ABI3BP: variants seen among roughly 807,000 people sequenced by gnomAD.
ABI3BP encodes the protein ABI family member 3 binding protein, also known as target of Nesh-SH3.
Under a neutral mutation model 268.6 loss-of-function variants are expected in ABI3BP, and 216 were observed. That is an observed-to-expected ratio of 0.80 (90% CI 0.72 to 0.90). ABI3BP has a LOEUF of 0.90. Ranked by LOEUF, ABI3BP falls within the 40% of genes least tolerant of loss-of-function variation. The probability of loss-of-function intolerance (pLI) is 0.00; values close to 1 mark genes in which losing one functional copy is unlikely to be tolerated. For missense variants in ABI3BP, 2,090 were observed against 2,182.4 expected, an observed-to-expected ratio of 0.96 and a Z score of 0.84; for synonymous variants, 730 against 730.0, an observed-to-expected ratio of 1.00 and a Z score of 0.00.
chr3:100,798,187 T>G (rs1376941456), intron 51 of ABI3BP, among the ~76,000 whole-genome samples: 1 of 152,170 alleles, frequency 6.6e-6, no homozygotes, highest in Non-Finnish European at 1.5e-5. Flanking sequence ...TGCTCTAGTT[T>G]ACTGAGGAAT....
chr3:100,785,282 G>T (rs533721650), intron 57 of ABI3BP, among the ~76,000 whole-genome samples: 1 of 152,136 alleles, frequency 6.6e-6, no homozygotes, highest in Non-Finnish European at 1.5e-5. Flanking sequence ...AGTCAACAGA[G>T]GCTGAAAGTG....
chr3:100,944,528 T>C (rs1212417816), intron 1 of ABI3BP, among the ~76,000 whole-genome samples: 1 of 152,120 alleles, frequency 6.6e-6, no homozygotes, highest in Non-Finnish European at 1.5e-5. Flanking sequence ...AGGGAGCAAA[T>C]TGAAAATACT....
chr3:100,954,014 T>C (rs2075999925), intron 1 of ABI3BP, among the ~76,000 whole-genome samples: 1 of 152,186 alleles, frequency 6.6e-6, no homozygotes, highest in Non-Finnish European at 1.5e-5. Context: ...GGATGAACTG[T>C]CTTTCTCACT....
chr3:100,825,859 TAAAC>T lies in ABI3BP; in HGVS notation c.2603-19_2603-16del. The T allele has an allele frequency of 6.6e-7, 1 of 1,523,896 alleles. No homozygotes were observed. The highest frequency in any genetic ancestry group is 8.8e-7 in the Non-Finnish European group (1 of 1,135,942). The allele number at this position is 1,523,896 out of a possible 1,614,324, so 94.4% of individuals were successfully genotyped here. ...TGTAACAGGAACTGAAGTAATAAGA[TAAAC>T]AAAAGAGATGGTAAAAAATGTGTGG... On this transcript the variant is annotated splice_polypyrimidine_tract_variant and intron_variant, in intron 34 of 67. Coordinates refer to ENST00000471714, the MANE Select transcript of ABI3BP (RefSeq NM_001375547.2).
intron 54 of ABI3BP, among the ~76,000 whole-genome samples, chr3:100,793,821 G>A (rs1357984430): frequency 2.0e-5 from 3 of 151,982 alleles, no homozygotes; most frequent in African/African-American, 7.2e-5. Context: ...AGACAGGAGA[G>A]AGGAGCCAAC....
intron 51 of ABI3BP, among the ~76,000 whole-genome samples, chr3:100,803,134 G>A (rs1450608243): frequency 6.8e-6 from 1 of 146,126 alleles, no homozygotes; most frequent in African/African-American, 2.4e-5. Flanking sequence ...TGGAGCTGGA[G>A]AGGTGACAGA....
rs2099124584 is a variant in ABI3BP, at chr3:100,873,020, C to T, written c.910+1821G>A. 4.6e-5 allele frequency among the ~76,000 whole-genome samples: 7 copies of T among 152,046 alleles called. No individual in the cohort carries two copies. In the South Asian group the frequency reaches 1.5e-3, roughly 32 times the overall value. Reference sequence around the variant, plus strand: ...TCAAAAATTGTAAGTCTAATAGTCCCCAGTTAAGTGCTTTTCTACCAACTT... The same window carrying T: ...TCAAAAATTGTAAGTCTAATAGTCCTCAGTTAAGTGCTTTTCTACCAACTT... On this transcript the variant is annotated intron_variant, in intron 9 of 67. Transcript: ENST00000471714.
chr3:100,831,602 A>C (rs1395938220), intron 31 of ABI3BP, among the ~76,000 whole-genome samples: 1 of 152,094 alleles, frequency 6.6e-6, no homozygotes, highest in Non-Finnish European at 1.5e-5. Context: ...TTGAGTAGAC[A>C]TCCCAGCCCC....
intron 20 of ABI3BP, chr3:100,844,209 A>AACAATTT (rs1478445644): frequency 3.0e-6 from 3 of 985,362 alleles, no homozygotes; most frequent in Non-Finnish European, 3.6e-6. Flanking sequence ...TAGGAATGAG[A>AACAATTT]ACAATTTACA....
intron 55 of ABI3BP, among the ~76,000 whole-genome samples, chr3:100,790,342 C>T (rs2097164487): frequency 6.6e-6 from 1 of 152,016 alleles, no homozygotes; most frequent in Non-Finnish European, 1.5e-5. Flanking sequence ...ACTTCCCTAT[C>T]ACATACTGCC....
rs372875218 is a variant in ABI3BP at position 100,920,511 on chromosome 3, C to G, written c.259+5791G>C. Among the ~76,000 whole-genome samples the G allele has an allele frequency of 3.9e-5, 6 of 152,090 alleles. No individual in the cohort carries two copies. The East Asian group carries it at 9.6e-4, about 24-fold the overall frequency. On this transcript the variant is annotated intron_variant, in intron 2 of 67. Coordinates refer to ENST00000471714, the MANE Select transcript of ABI3BP (RefSeq NM_001375547.2). ...TGATCTTGGCTCACTGCAACCTCCC[C>G]CTCCCAGGTTCAAGCAATTCTCTGC...
At chr3:100,974,983 T>C (rs781465873) in intron 1 of ABI3BP, among the ~76,000 whole-genome samples, 4 of 152,212 alleles carry the variant, frequency 2.6e-5, no homozygotes, top group Non-Finnish European at 5.9e-5. Flanking sequence ...AAGTTGTTTA[T>C]AGACAGTCTC....
At chr3:100,888,557 C>T (rs188269618) in intron 4 of ABI3BP, among the ~76,000 whole-genome samples, 20 of 152,154 alleles carry the variant, frequency 1.3e-4, no homozygotes, top group African/African-American at 4.8e-4. Flanking sequence ...TCTCACATAA[C>T]CTGCTTATAA....
chr3:100,909,394 A>C (rs2153544706), intron 2 of ABI3BP, among the ~76,000 whole-genome samples: 1 of 152,250 alleles, frequency 6.6e-6, no homozygotes, highest in South Asian at 2.1e-4. Context: ...GCAAAAAAAA[A>C]AAGCCAAAAT....
intron 1 of ABI3BP, among the ~76,000 whole-genome samples, chr3:100,943,186 T>C (rs577142796): frequency 3.3e-5 from 5 of 152,212 alleles, no homozygotes; most frequent in Admixed American, 6.5e-5. Context: ...AAAACTTGAA[T>C]TGTGTAGAGC....
chr3:100,974,868 A>C lies in ABI3BP; in HGVS notation c.79+18438T>G, dbSNP rs1332362087. ...GTCAAAATAAGTCACGGTTAGCTTT[A>C]GAATGTGACATGGAATAACAGGTAT... On this transcript the variant is annotated intron_variant, in intron 1 of 67. Transcript: ENST00000471714. 3.3e-5 allele frequency among the ~76,000 whole-genome samples: 5 copies of C among 152,326 alleles called. No individual in the cohort carries two copies. In the East Asian group the frequency reaches 9.6e-4, roughly 29 times the overall value.
chr3:100,867,193 G>A (rs1432571898), intron 9 of ABI3BP, among the ~76,000 whole-genome samples: 1 of 151,600 alleles, frequency 6.6e-6, no homozygotes, highest in African/African-American at 2.4e-5. Flanking sequence ...ATCTAAATTG[G>A]CATTGAAATG....
intron 63 of ABI3BP, among the ~76,000 whole-genome samples, chr3:100,755,759 T>C (rs998119611): frequency 6.6e-6 from 1 of 152,226 alleles, no homozygotes; most frequent in South Asian, 2.1e-4. Context: ...GCAAGTGGAC[T>C]TGGCAGTGAA....
intron 63 of ABI3BP, among the ~76,000 whole-genome samples, chr3:100,758,950 A>G (rs1301041186): frequency 6.6e-6 from 1 of 152,190 alleles, no homozygotes; most frequent in East Asian, 1.9e-4. Context: ...ATCTGGATGG[A>G]GCAGATGCTT....
Sources: allele counts gnomAD v4.1 joint callset (sites outside exome capture counted in the v4.1 genomes callset), GRCh38; gene constraint gnomAD v4.1.1; transcripts MANE v1.5; gene names NCBI Gene and HGNC (gene_info 2026-07-23, HGNC 2026-07-21).